The following CACNG2 variants were observed in gnomAD, a reference collection of about 807,000 sequenced individuals.
The protein encoded by CACNG2 is voltage-dependent calcium channel gamma-2 subunit.
CACNG2 carries 3 observed loss-of-function variants against 25.9 expected under a neutral mutation model. The ratio of observed to expected loss-of-function variants is 0.12; its 90% CI spans 0.05 to 0.30. The LOEUF is 0.30. Ranked by LOEUF, CACNG2 falls within the 10% of genes least tolerant of loss-of-function variation. CACNG2 has a pLI of 1.00. For missense variants in CACNG2, 341 were observed against 432.5 expected, an observed-to-expected ratio of 0.79 and a Z score of 1.88; for synonymous variants, 167 against 173.3, an observed-to-expected ratio of 0.96 and a Z score of 0.29.
intron 1 of CACNG2, among the ~76,000 whole-genome samples, chr22:36,661,541 C>G (rs929753841): frequency 6.6e-6 from 1 of 152,138 alleles, no homozygotes; most frequent in Non-Finnish European, 1.5e-5. Context: ...CTAAGAGCAT[C>G]GAGCATATTA....
At chr22:36,579,516 G>A (rs1368599195) in intron 2 of CACNG2, among the ~76,000 whole-genome samples, 2 of 147,516 alleles carry the variant, frequency 1.4e-5, no homozygotes, top group East Asian at 2.0e-4. Flanking sequence ...CCTGCCTTTT[G>A]AGCCTGGAGA....
At chr22:36,624,780 A>G (rs1389477506) in intron 1 of CACNG2, among the ~76,000 whole-genome samples, 1 of 152,120 alleles carries the variant, frequency 6.6e-6, no homozygotes, top group Admixed American at 6.5e-5. Context: ...CTGTAATCCC[A>G]GGACTTTGGG....
chr22:36,651,504 C>T (rs1936614876), intron 1 of CACNG2, among the ~76,000 whole-genome samples: 1 of 152,130 alleles, frequency 6.6e-6, no homozygotes, highest in South Asian at 2.1e-4. Context: ...GCTGGGATTA[C>T]AGGCGTGAGC....
chr22:36,693,517 C>T (rs1294207935), intron 1 of CACNG2, among the ~76,000 whole-genome samples: 1 of 152,216 alleles, frequency 6.6e-6, no homozygotes, highest in Non-Finnish European at 1.5e-5. Context: ...GTGACCTAGA[C>T]AGTGGAAAAG....
intron 3 of CACNG2, 119 bp from the exon 4 acceptor site, chr22:36,565,005 G>A (rs1603500174): frequency 2.3e-6 from 2 of 854,276 alleles, no homozygotes; most frequent in Non-Finnish European, 3.9e-6. Flanking sequence ...CCCCGGTCCC[G>A]CGCCTTCATG....
At chr22:36,575,137 A>G (rs2145912693) in intron 2 of CACNG2, among the ~76,000 whole-genome samples, 1 of 152,320 alleles carries the variant, frequency 6.6e-6, no homozygotes, top group East Asian at 1.9e-4. Flanking sequence ...AACTCCGTCT[A>G]CCTTACTGGG....
At chr22:36,654,271 G>A (rs1279528949) in intron 1 of CACNG2, among the ~76,000 whole-genome samples, 1 of 151,936 alleles carries the variant, frequency 6.6e-6, no homozygotes, top group East Asian at 1.9e-4. Flanking sequence ...TTGTAGTTGT[G>A]TGTGCGTGTG....
intron 1 of CACNG2, among the ~76,000 whole-genome samples, chr22:36,602,005 T>C (rs1935760657): frequency 6.6e-6 from 1 of 152,190 alleles, no homozygotes; most frequent in Non-Finnish European, 1.5e-5. Context: ...CTTTTGATAA[T>C]AGCTCTCCTA....
chr22:36,666,973 A>T, intron 1 of CACNG2, among the ~76,000 whole-genome samples: 1 of 146,026 alleles, frequency 6.8e-6, no homozygotes, highest in East Asian at 2.0e-4. Flanking sequence ...CTTGACTCAC[A>T]CGCAACATGG....
At chr22:36,661,618 G>T (rs570067836) in intron 1 of CACNG2, among the ~76,000 whole-genome samples, 1 of 152,240 alleles carries the variant, frequency 6.6e-6, no homozygotes, top group East Asian at 1.9e-4. Flanking sequence ...AGCATCTGAG[G>T]TGGAAGGCAG....
At chr22:36,677,747 G>A (rs981139592) in intron 1 of CACNG2, among the ~76,000 whole-genome samples, 40 of 152,094 alleles carry the variant, frequency 2.6e-4, no homozygotes, top group Admixed American at 8.5e-4. Flanking sequence ...CTGTGGTGCC[G>A]TTCAACCAAA....
In CACNG2 at chr22:36,606,599, T is replaced by C. The variant is rs1935836373; in HGVS notation, c.212-19051A>G. On this transcript the variant is annotated intron_variant, in intron 1 of 3. Transcript: ENST00000300105. This position sits in a 1 kb window ranked among gnomAD's most constrained non-coding sequence, Gnocchi z 5.7. The stretch of plus-strand genomic sequence containing the variant: ...GGAAGGCTTCCTGGAAGAAGCACCA[T>C]CTCGGATGAGCCGTGAAGGATAAGT... Among the ~76,000 whole-genome samples the C allele has an allele frequency of 6.6e-6, 1 of 151,590 alleles. No homozygotes were observed. The highest frequency in any genetic ancestry group is 1.5e-5 in the Non-Finnish European group (1 of 67,906).
intron 1 of CACNG2, among the ~76,000 whole-genome samples, chr22:36,613,118 G>A (rs1342523182): frequency 1.3e-5 from 2 of 151,188 alleles, no homozygotes; most frequent in African/African-American, 4.9e-5. Context: ...GGAATATAGT[G>A]CTCAATGTTT....
intron 1 of CACNG2, among the ~76,000 whole-genome samples, chr22:36,655,694 C>CCTTT (rs200916543): frequency 6.6e-6 from 1 of 151,428 alleles, no homozygotes; most frequent in Non-Finnish European, 1.5e-5. Context: ...TTCCTTCCTT[C>CCTTT]CTTTCTTTCT....
At chr22:36,666,520 G>T (rs1936876771) in intron 1 of CACNG2, among the ~76,000 whole-genome samples, 1 of 152,162 alleles carries the variant, frequency 6.6e-6, no homozygotes, top group Admixed American at 6.5e-5. Context: ...GGGTTGAGGG[G>T]CAGGGGGGAA....
chr22:36,652,923 T>C (rs1313796653), intron 1 of CACNG2, among the ~76,000 whole-genome samples: 1 of 152,268 alleles, frequency 6.6e-6, no homozygotes, highest in East Asian at 1.9e-4. Flanking sequence ...AGATGCAAAG[T>C]TGCCGTCAGA....
intron 1 of CACNG2, among the ~76,000 whole-genome samples, chr22:36,699,237 T>TCTCA (rs1937379252): frequency 7.1e-6 from 1 of 141,800 alleles, no homozygotes; most frequent in African/African-American, 2.7e-5. Context: ...GATTTCAAGT[T>TCTCA]CACACACACA....
chr22:36,645,398 G>A (rs948150720), intron 1 of CACNG2, among the ~76,000 whole-genome samples: 16 of 152,060 alleles, frequency 1.1e-4, no homozygotes, highest in South Asian at 4.2e-4. Context: ...TTAGCCAGGC[G>A]TTGTGGCGTG....
intron 2 of CACNG2, among the ~76,000 whole-genome samples, chr22:36,577,378 G>A (rs546836109): frequency 1.8e-4 from 28 of 152,274 alleles, no homozygotes; most frequent in Admixed American, 9.8e-4. Context: ...GGGGCCGGGC[G>A]CGGTGGTTCA....
Sources: allele counts gnomAD v4.1 joint callset (sites outside exome capture counted in the v4.1 genomes callset), GRCh38; gene constraint gnomAD v4.1.1; non-coding constraint Gnocchi (gnomAD v3.1); transcripts MANE v1.5; gene names NCBI Gene and HGNC (gene_info 2026-07-23, HGNC 2026-07-21).